Variants in RAB10 observed in about 807,000 individuals in gnomAD.
The protein encoded by RAB10 is RAB10, member RAS oncogene family, also known as ras-related protein Rab-10.
Under a neutral mutation model 25.7 loss-of-function variants are expected in RAB10, and 5 were observed. The observed-to-expected ratio is 0.19, with a 90% CI of 0.10 to 0.41. The LOEUF (loss-of-function observed/expected upper bound fraction) is 0.41. RAB10 is among the 10% of genes least tolerant of loss of function. The probability of loss-of-function intolerance (pLI) is 1.00; values close to 1 mark genes in which losing one functional copy is unlikely to be tolerated. For synonymous variants in RAB10, 89 were observed against 86.4 expected, an observed-to-expected ratio of 1.03 and a Z score of -0.16; for missense variants, 103 against 245.8, an observed-to-expected ratio of 0.42 and a Z score of 3.89.
chr2:26,048,524 C>A (rs772910308), intron 1 of RAB10, among the ~76,000 whole-genome samples: 2 of 152,090 alleles, frequency 1.3e-5, no homozygotes, highest in Admixed American at 6.6e-5. Context: ...AATGTCTGTT[C>A]ATGTGGTTGC....
chr2:26,033,527 G>A (rs919963920), upstream of RAB10, among the ~76,000 whole-genome samples: 29 of 152,398 alleles, frequency 1.9e-4, no homozygotes, highest in Non-Finnish European at 4.0e-4. Context: ...TGGCCCTGGA[G>A]AGGGGGCACG....
At position 26,057,815 on chromosome 2, in the gene RAB10, G is replaced by T. The variant is rs531353368; in HGVS notation, c.127+23080G>T. On this transcript the variant is annotated intron_variant, in intron 1 of 5. Coordinates refer to ENST00000264710, the MANE Select transcript of RAB10 (RefSeq NM_016131.5). Reference sequence around the variant, plus strand: ...ATTTTTGTATTGTTAGTAGAGACGGGGTTTCACCATGTTGGCCAGTCTGGT... The same window carrying T: ...ATTTTTGTATTGTTAGTAGAGACGGTGTTTCACCATGTTGGCCAGTCTGGT... Among the ~76,000 whole-genome samples the T allele has an allele frequency of 4.3e-4, 65 of 152,178 alleles. 2 individuals are homozygous for T. The South Asian group carries it at 0.013, about 30-fold the overall frequency.
At chr2:26,122,938 A>G (rs1324333426) in intron 3 of RAB10, among the ~76,000 whole-genome samples, 2 of 152,148 alleles carry the variant, frequency 1.3e-5, no homozygotes, top group African/African-American at 4.8e-5. Flanking sequence ...GAGTGTTAGG[A>G]AAAGAAGAAA....
At chr2:26,130,159 G>T (rs946948668) in intron 5 of RAB10, among the ~76,000 whole-genome samples, 14 of 152,118 alleles carry the variant, frequency 9.2e-5, no homozygotes, top group African/African-American at 3.1e-4. Context: ...ACAATTTTAA[G>T]ATTTTTTTTG....
chr2:26,036,290 A>G (rs576861281), intron 1 of RAB10, among the ~76,000 whole-genome samples: 3 of 152,326 alleles, frequency 2.0e-5, no homozygotes, highest in African/African-American at 7.2e-5. Context: ...AGATGCTACA[A>G]TAGTAAGCAC....
chr2:26,129,488 G>T, intron 5 of RAB10, among the ~76,000 whole-genome samples: 1 of 152,150 alleles, frequency 6.6e-6, no homozygotes, highest in South Asian at 2.1e-4. Flanking sequence ...GAAGGACAGA[G>T]ACATTAGCTG....
intron 2 of RAB10, among the ~76,000 whole-genome samples, chr2:26,108,224 A>G (rs1166721425): frequency 6.6e-6 from 1 of 152,232 alleles, no homozygotes; most frequent in Non-Finnish European, 1.5e-5. Flanking sequence ...GAACTTTGTT[A>G]TAGCCAAAAA....
Position 26,101,086 on chromosome 2 carries a change from T to TA in RAB10, c.188+2366dup, listed in dbSNP as rs145774835. Among the ~76,000 whole-genome samples the TA allele has an allele frequency of 5.3e-5, 8 of 152,272 alleles. No homozygotes were observed. In the East Asian group the frequency reaches 1.5e-3, roughly 29 times the overall value. ...AAGATGAGAAGTGAAATACGAACAG[T>TA]AAGCAACCAAAGTCATTTAGTCAAT... On this transcript the variant is annotated intron_variant, in intron 2 of 5. Coordinates refer to ENST00000264710, the MANE Select transcript of RAB10 (RefSeq NM_016131.5).
chr2:26,081,607 A>C (rs1402961777), intron 1 of RAB10, among the ~76,000 whole-genome samples: 3 of 152,158 alleles, frequency 2.0e-5, no homozygotes, highest in African/African-American at 7.2e-5. Context: ...CACCAATGTT[A>C]TTTTCCTGTT....
chr2:26,072,157 G>A (rs548989737), intron 1 of RAB10, among the ~76,000 whole-genome samples: 32 of 152,058 alleles, frequency 2.1e-4, no homozygotes, highest in African/African-American at 7.5e-4. Context: ...GGTGGCTCAC[G>A]CCTGTAATCC....
At chr2:26,109,454 C>CT (rs1457888524) in intron 2 of RAB10, among the ~76,000 whole-genome samples, 1 of 152,102 alleles carries the variant, frequency 6.6e-6, no homozygotes, top group African/African-American at 2.4e-5. Flanking sequence ...TATGACTGTA[C>CT]TATGGTATAG....
intron 1 of RAB10, among the ~76,000 whole-genome samples, chr2:26,097,091 C>T (rs1667237466): frequency 6.6e-6 from 1 of 152,056 alleles, no homozygotes; most frequent in African/African-American, 2.4e-5. Context: ...GTGGCTCGTG[C>T]CTGTGGTCTT....
At chr2:26,079,847 G>A (rs1666829813) in intron 1 of RAB10, among the ~76,000 whole-genome samples, 1 of 152,076 alleles carries the variant, frequency 6.6e-6, no homozygotes, top group African/African-American at 2.4e-5. Flanking sequence ...TGCATTTTTT[G>A]TAGAGACGAG....
chr2:26,065,779 G>T (rs1353959217), intron 1 of RAB10, among the ~76,000 whole-genome samples: 4 of 152,034 alleles, frequency 2.6e-5, no homozygotes, highest in African/African-American at 4.8e-5. Flanking sequence ...TTATAGTTCA[G>T]TTACTATGTA....
intron 1 of RAB10, among the ~76,000 whole-genome samples, chr2:26,047,312 T>C (rs1434152440): frequency 6.6e-6 from 1 of 152,218 alleles, no homozygotes; most frequent in East Asian, 1.9e-4. Flanking sequence ...AATGGAATCA[T>C]ATAGAATGTA....
In RAB10 at chr2:26,034,449, T is replaced by G. The variant is rs1665718444; in HGVS notation, c.-160T>G. ...CACTGGACGCCGCCACTGTCGGGGC[T>G]TCCTCAAAGCTGTTCGTAGGTCGCC... On this transcript the variant is annotated 5_prime_UTR_variant, in exon 1 of 6. Coordinates refer to ENST00000264710, the MANE Select transcript of RAB10 (RefSeq NM_016131.5). 3.2e-6 allele frequency: 3 copies of G among 945,684 alleles called. No homozygotes were observed. In the South Asian group the frequency reaches 5.2e-5, roughly 16 times the overall value. 58.6% of individuals were successfully genotyped at this position (945,684 alleles called of 1,614,324 possible).
At chr2:26,073,634 A>AGAGCTTGGCAGCAT (rs1666674336) in intron 1 of RAB10, among the ~76,000 whole-genome samples, 2 of 152,246 alleles carry the variant, frequency 1.3e-5, no homozygotes, top group South Asian at 4.1e-4. Context: ...CAGCATAGAT[A>AGAGCTTGGCAGCAT]AGAAAACAGA....
chr2:26,043,164 T>TA (rs1665927946), intron 1 of RAB10, among the ~76,000 whole-genome samples: 1 of 148,986 alleles, frequency 6.7e-6, no homozygotes, highest in African/African-American at 2.5e-5. Flanking sequence ...AGGTGGCTTA[T>TA]GCCCGTAAAT....
chr2:26,103,938 A>C (rs1243606011), intron 2 of RAB10, among the ~76,000 whole-genome samples: 1 of 152,158 alleles, frequency 6.6e-6, no homozygotes, highest in Non-Finnish European at 1.5e-5. Context: ...TAATGGCTGA[A>C]TAATACTCCA....
Sources: gnomAD v4.1 joint callset for allele counts (sites outside exome capture counted in the v4.1 genomes callset) on GRCh38, gnomAD v4.1.1 for gene constraint, MANE v1.5 for transcripts, NCBI Gene and HGNC (gene_info 2026-07-23, HGNC 2026-07-21) for gene names.